VWC2L: variants seen among roughly 807,000 people sequenced by gnomAD.
The protein encoded by VWC2L is von Willebrand factor C domain containing 2 like, also known as von Willebrand factor C domain-containing protein 2-like.
A neutral mutation model predicts 21.6 loss-of-function variants in VWC2L; 10 were observed. The observed-to-expected ratio is 0.46, with a 90% CI of 0.29 to 0.78. The LOEUF (loss-of-function observed/expected upper bound fraction) is 0.78, where lower values mean the gene tolerates loss of function less well. Among genes scored for constraint, VWC2L ranks in the 30% least tolerant of loss-of-function variants. VWC2L has a pLI of 0.10. For synonymous variants in VWC2L, 96 were observed against 94.3 expected, an observed-to-expected ratio of 1.02 and a Z score of -0.10; for missense variants, 209 against 277.1, an observed-to-expected ratio of 0.75 and a Z score of 1.74.
chr2:214,497,867 C>T (rs1202067000), intron 3 of VWC2L, among the ~76,000 whole-genome samples: 2 of 152,196 alleles, frequency 1.3e-5, no homozygotes, highest in East Asian at 3.8e-4. Flanking sequence ...ATAGTAAGTT[C>T]ATAACTTCTG....
chr2:214,463,496 GT>G (rs1703171711), intron 3 of VWC2L, among the ~76,000 whole-genome samples: 2 of 151,800 alleles, frequency 1.3e-5, no homozygotes, highest in Admixed American at 1.3e-4. Context: ...ATATAGTTGG[GT>G]CTTTCTTTTT....
chr2:214,530,199 C>G (rs1318970720), intron 3 of VWC2L, among the ~76,000 whole-genome samples: 1 of 152,172 alleles, frequency 6.6e-6, no homozygotes, highest in Non-Finnish European at 1.5e-5. Context: ...AACCTTCTCT[C>G]CTTCACAGCT....
chr2:214,524,573 G>A (rs772394192), intron 3 of VWC2L, among the ~76,000 whole-genome samples: 15 of 152,136 alleles, frequency 9.9e-5, no homozygotes, highest in African/African-American at 2.7e-4. Context: ...CGTTCCACAC[G>A]TATTTATTAA....
chr2:214,459,410 ATTAT>A (rs760884783), intron 3 of VWC2L, among the ~76,000 whole-genome samples: 31 of 152,116 alleles, frequency 2.0e-4, no homozygotes, highest in Non-Finnish European at 3.5e-4. Flanking sequence ...CAAAGTGGTT[ATTAT>A]TTATTTTGTT....
intron 3 of VWC2L, among the ~76,000 whole-genome samples, chr2:214,571,903 C>A (rs1320524928): frequency 1.3e-5 from 2 of 152,134 alleles, no homozygotes; most frequent in African/African-American, 4.8e-5. Context: ...TCTCCACAGT[C>A]AGCCTCCCCA....
chr2:214,546,479 G>A (rs1689708776), intron 3 of VWC2L, among the ~76,000 whole-genome samples: 1 of 152,102 alleles, frequency 6.6e-6, no homozygotes, highest in Admixed American at 6.6e-5. Context: ...GCCACAGTAG[G>A]AGTAATATTG....
Position 214,555,510 on chromosome 2 carries a change from C to T in VWC2L, c.521-20162C>T, listed in dbSNP as rs552258900. 4.6e-5 allele frequency among the ~76,000 whole-genome samples: 7 copies of T among 152,300 alleles called. No individual in the cohort carries two copies. The South Asian group carries it at 1.4e-3, about 32-fold the overall frequency. On this transcript the variant is annotated intron_variant, in intron 3 of 3. Coordinates refer to ENST00000312504, the MANE Select transcript of VWC2L (RefSeq NM_001080500.4). ...CACTTTATTTCCAGTATTTTGCTAT[C>T]TCTGGCACATATGAAACCATTAATA...
At chr2:214,443,530 T>C (rs1173218827) in intron 3 of VWC2L, among the ~76,000 whole-genome samples, 2 of 152,168 alleles carry the variant, frequency 1.3e-5, no homozygotes, top group Non-Finnish European at 2.9e-5. Context: ...GATAGTTCAA[T>C]ATTAGGAACC....
At chr2:214,416,824 A>G (rs777788564) in intron 2 of VWC2L, among the ~76,000 whole-genome samples, 4 of 152,130 alleles carry the variant, frequency 2.6e-5, no homozygotes, top group African/African-American at 4.8e-5. Flanking sequence ...TCTTAATAAC[A>G]TATAATTTCT....
intron 3 of VWC2L, among the ~76,000 whole-genome samples, chr2:214,442,152 C>T (rs1432923685): frequency 1.3e-5 from 2 of 151,988 alleles, no homozygotes; most frequent in Non-Finnish European, 1.5e-5. Context: ...CATTGTGATC[C>T]GCCTGCCTCG....
chr2:214,474,470 A>G (rs897068578), intron 3 of VWC2L, among the ~76,000 whole-genome samples: 5 of 152,152 alleles, frequency 3.3e-5, no homozygotes, highest in African/African-American at 1.2e-4. Context: ...TTTGTCCAAT[A>G]TTTATTACAG....
intron 3 of VWC2L, among the ~76,000 whole-genome samples, chr2:214,573,726 A>T (rs1690186811): frequency 6.6e-6 from 1 of 152,182 alleles, no homozygotes; most frequent in African/African-American, 2.4e-5. Flanking sequence ...TTTCCCAGGG[A>T]GCTGTAGACC....
chr2:214,503,580 T>C (rs931548100), intron 3 of VWC2L, among the ~76,000 whole-genome samples: 6 of 152,152 alleles, frequency 3.9e-5, no homozygotes, highest in African/African-American at 1.4e-4. Flanking sequence ...CGGGGATACT[T>C]TTTTGTAATC....
intron 1 of VWC2L, 56 bp downstream of exon 1, chr2:214,411,842 T>A (rs1207275178): frequency 6.6e-6 from 1 of 152,128 alleles, no homozygotes; most frequent in East Asian, 1.9e-4. Context: ...ATAGATGCAG[T>A]CATTTTAAAT....
intron 3 of VWC2L, among the ~76,000 whole-genome samples, chr2:214,547,983 T>C (rs1689736503): frequency 1.3e-5 from 2 of 152,244 alleles, no homozygotes; most frequent in African/African-American, 4.8e-5. Flanking sequence ...AGAGTTTTTA[T>C]TTCTTCTTCC....
chr2:214,505,999 G>A (rs1208021266), intron 3 of VWC2L, among the ~76,000 whole-genome samples: 1 of 152,086 alleles, frequency 6.6e-6, no homozygotes, highest in Non-Finnish European at 1.5e-5. Context: ...TTCATACCCA[G>A]TAATCTGGCT....
chr2:214,520,195 G>A (rs527792539), intron 3 of VWC2L, among the ~76,000 whole-genome samples: 24 of 151,854 alleles, frequency 1.6e-4, no homozygotes, highest in Middle Eastern at 6.8e-3. Context: ...TAACATCTGG[G>A]CATACATTTT....
chr2:214,550,505 A>G (rs1018430169), intron 3 of VWC2L, among the ~76,000 whole-genome samples: 1 of 152,054 alleles, frequency 6.6e-6, no homozygotes, highest in Non-Finnish European at 1.5e-5. Context: ...GCCACATATC[A>G]TCTCTTTCTG....
chr2:214,562,080 C>T (rs1181379785), intron 3 of VWC2L, among the ~76,000 whole-genome samples: 1 of 151,886 alleles, frequency 6.6e-6, no homozygotes, highest in African/African-American at 2.4e-5. Flanking sequence ...TGATTTGCTG[C>T]ACCTATCAAC....
Sources: allele counts gnomAD v4.1 joint callset (sites outside exome capture counted in the v4.1 genomes callset), GRCh38; gene constraint gnomAD v4.1.1; transcripts MANE v1.5; gene names NCBI Gene and HGNC (gene_info 2026-07-23, HGNC 2026-07-21).